The following VPS8 variants were observed in gnomAD, a reference collection of about 807,000 sequenced individuals.
VPS8 encodes vacuolar protein sorting-associated protein 8 homolog.
A neutral mutation model predicts 216.4 loss-of-function variants in VPS8; 129 were observed. That is an observed-to-expected ratio of 0.60 (90% CI 0.52 to 0.69). The LOEUF is 0.69. Among genes scored for constraint, VPS8 ranks in the 30% least tolerant of loss-of-function variants. VPS8 has a pLI of 0.00. For missense variants in VPS8, 1,531 were observed against 1,683.5 expected, an observed-to-expected ratio of 0.91 and a Z score of 1.59; for synonymous variants, 571 against 565.4, an observed-to-expected ratio of 1.01 and a Z score of -0.14.
chr3:184,967,462 A>G (rs1747608568), intron 39 of VPS8, among the ~76,000 whole-genome samples: 2 of 152,198 alleles, frequency 1.3e-5, no homozygotes, highest in African/African-American at 2.4e-5. Flanking sequence ...AAAGTTGACA[A>G]TTTAGTATCT....
At chr3:185,002,365 A>G (rs535566038) in intron 45 of VPS8, among the ~76,000 whole-genome samples, 23 of 152,342 alleles carry the variant, frequency 1.5e-4, no homozygotes, top group Non-Finnish European at 3.4e-4. Context: ...CACCTCTTGC[A>G]GTGAAGAAAG....
At chr3:185,038,238 G>T (rs1330510584) in intron 46 of VPS8, among the ~76,000 whole-genome samples, 1 of 152,234 alleles carries the variant, frequency 6.6e-6, no homozygotes, top group African/African-American at 2.4e-5. Context: ...TGGAATGACA[G>T]TGGTATTGGC....
chr3:184,938,270 GAA>G lies in VPS8; in HGVS notation c.2989-1923_2989-1922del, dbSNP rs779017674. 8.3e-4 allele frequency among the ~76,000 whole-genome samples: 127 copies of G among 152,316 alleles called. 1 individual carries two copies. The highest frequency in any genetic ancestry group is 1.7e-3 in the South Asian group (8 of 4,824). On this transcript the variant is annotated intron_variant, in intron 35 of 47. Transcript: ENST00000625842. ...ATAATGATGAGGTCCATTAACTCAA[GAA>G]AAAGACTCACCGATTAATTCAATAA...
chr3:184,824,898 G>C, intron 2 of VPS8, 113 bp downstream of exon 2: 1 of 970,630 alleles, frequency 1.0e-6, no homozygotes, highest in Non-Finnish European at 1.5e-6. Flanking sequence ...ATAGGAGTCT[G>C]TGTATAATTT....
Position 184,859,898 on chromosome 3 carries a change from T to G in VPS8, c.1144-87T>G, listed in dbSNP as rs936634217. 7 of 910,838 alleles carry G rather than the reference T, an allele frequency of 7.7e-6. No homozygotes were observed. In the African/African-American group the frequency reaches 1.2e-4, roughly 15 times the overall value. The allele number at this position is 910,838 out of a possible 1,614,324, so 56.4% of individuals were successfully genotyped here. On this transcript the variant is annotated intron_variant, in intron 14 of 47. Transcript: ENST00000625842. ...CAGGGAATGGGATAATGGGTAAATG[T>G]GATACTCTAGGTGGAGTATAATTAA... is the stretch of plus-strand genomic sequence containing the variant.
chr3:184,871,812 C>T (rs1261898450), intron 21 of VPS8, among the ~76,000 whole-genome samples: 1 of 152,052 alleles, frequency 6.6e-6, no homozygotes, highest in African/African-American at 2.4e-5. Flanking sequence ...AGGCACAGGT[C>T]CTATCTTTTC....
At chr3:184,814,583 A>G (rs994612457) in intron 1 of VPS8, among the ~76,000 whole-genome samples, 2 of 152,246 alleles carry the variant, frequency 1.3e-5, no homozygotes, top group South Asian at 2.1e-4. Context: ...AAGTATTTGT[A>G]TATCTAAACA....
chr3:184,955,012 G>C (rs1745336811), intron 36 of VPS8, among the ~76,000 whole-genome samples: 1 of 152,174 alleles, frequency 6.6e-6, no homozygotes, highest in South Asian at 2.1e-4. Context: ...TGAGCCTTCT[G>C]TCACGCCCAC....
At chr3:184,917,195 AG>A (rs1216179597) in intron 28 of VPS8, among the ~76,000 whole-genome samples, 3 of 152,212 alleles carry the variant, frequency 2.0e-5, no homozygotes, top group Non-Finnish European at 2.9e-5. Context: ...AGTCAGGGGA[AG>A]GGTAGGAAAA....
rs575204242 is a variant in VPS8, at chr3:184,861,111, C to T, written c.1224+1046C>T. On this transcript the variant is annotated intron_variant, in intron 15 of 47. Coordinates refer to ENST00000625842, the MANE Select transcript of VPS8 (RefSeq NM_001009921.3). ...TGCTGGGATTACAGGCATGAGCCAC[C>T]GCACCTGGCCAACTTCTTGGTTTAA... Among the ~76,000 whole-genome samples the T allele has an allele frequency of 6.6e-5, 10 of 152,246 alleles. No individual in the cohort carries two copies. In the South Asian group the frequency reaches 1.7e-3, roughly 25 times the overall value.
Position 184,822,439 on chromosome 3 carries a change from C to T in VPS8, c.-88-2106C>T, listed in dbSNP as rs562308935. 9.2e-5 allele frequency among the ~76,000 whole-genome samples: 14 copies of T among 152,260 alleles called. No homozygotes were observed. In the East Asian group the frequency reaches 2.7e-3, roughly 29 times the overall value. On this transcript the variant is annotated intron_variant, in intron 1 of 47. Coordinates refer to ENST00000625842, the MANE Select transcript of VPS8 (RefSeq NM_001009921.3). Reference sequence around the variant, plus strand: ...ACATGGTCTTGGAACCTCTTAATAACTCCAGATATGAGATAAAAAGAGCTG... The same window carrying T: ...ACATGGTCTTGGAACCTCTTAATAATTCCAGATATGAGATAAAAAGAGCTG...
chr3:184,999,957 A>T, intron 45 of VPS8, 96 bp downstream of exon 45: 1 of 1,350,312 alleles, frequency 7.4e-7, no homozygotes, highest in Non-Finnish European at 9.9e-7. Flanking sequence ...GGTCTCAACA[A>T]ATTTACCTGG....
At chr3:184,876,739 C>G (rs1325709072) in intron 21 of VPS8, among the ~76,000 whole-genome samples, 1 of 152,166 alleles carries the variant, frequency 6.6e-6, no homozygotes, top group Non-Finnish European at 1.5e-5. Flanking sequence ...GACAGTTTCT[C>G]TCATCTGTTT....
intron 25 of VPS8, among the ~76,000 whole-genome samples, chr3:184,906,012 G>A (rs1735424550): frequency 6.6e-6 from 1 of 152,044 alleles, no homozygotes; most frequent in African/African-American, 2.4e-5. Context: ...ACACCCTTTG[G>A]AAGCTCAGCT....
chr3:184,823,790 G>GTAAACCAAATTATCTGTGAT (rs1248155297), intron 1 of VPS8, among the ~76,000 whole-genome samples: 1 of 152,150 alleles, frequency 6.6e-6, no homozygotes, highest in Non-Finnish European at 1.5e-5. Flanking sequence ...AAAAATGACA[G>GTAAACCAAATTATCTGTGAT]TTTTGCAAGT....
At chr3:184,977,217 G>A (rs1749418295) in intron 40 of VPS8, among the ~76,000 whole-genome samples, 1 of 152,130 alleles carries the variant, frequency 6.6e-6, no homozygotes, top group East Asian at 1.9e-4. Context: ...GTGATGCGTA[G>A]CATTTTTTTT....
In VPS8 at chr3:184,999,656, T is replaced by C. The variant is rs1476774906; in HGVS notation, c.3837-40T>C. ...TACAAGCTTATATTTATGGATTTTG[T>C]GATAATAAAAAGTACAAATTGGTTG... On this transcript the variant is annotated intron_variant, in intron 44 of 47. Transcript: ENST00000625842. The C allele has an allele frequency of 1.9e-6, 3 of 1,563,982 alleles. No homozygotes were observed. In the East Asian group the frequency reaches 6.7e-5, roughly 35 times the overall value.
At chr3:184,852,702 G>A in intron 11 of VPS8, 135 bp downstream of exon 11, 2 of 814,246 alleles carry the variant, frequency 2.5e-6, no homozygotes, top group East Asian at 2.7e-5. Context: ...AATTACCTGG[G>A]AAGGCTTATA....
intron 5 of VPS8, among the ~76,000 whole-genome samples, chr3:184,836,032 G>A (rs1721023177): frequency 6.6e-6 from 1 of 152,134 alleles, no homozygotes; most frequent in Non-Finnish European, 1.5e-5. Flanking sequence ...TCAAGAGGAT[G>A]AGAGATTGAT....
Sources: allele counts gnomAD v4.1 joint callset (sites outside exome capture counted in the v4.1 genomes callset), GRCh38; gene constraint gnomAD v4.1.1; transcripts MANE v1.5; gene names NCBI Gene and HGNC (gene_info 2026-07-23, HGNC 2026-07-21).